Variants in MORF4L2 observed in about 807,000 individuals in gnomAD.
MORF4L2 encodes the protein mortality factor 4 like 2, also known as mortality factor 4-like protein 2.
A neutral mutation model predicts 12.0 loss-of-function variants in MORF4L2; 1 was observed. The ratio of observed to expected loss-of-function variants is 0.08; its 90% CI spans 0.03 to 0.40. The LOEUF is 0.40. Among genes scored for constraint, MORF4L2 ranks in the 10% least tolerant of loss-of-function variants. The probability of loss-of-function intolerance (pLI) is 0.98; values close to 1 mark genes in which losing one functional copy is unlikely to be tolerated. For synonymous variants in MORF4L2, 69 were observed against 81.6 expected, an observed-to-expected ratio of 0.85 and a Z score of 0.83; for missense variants, 123 against 214.0, an observed-to-expected ratio of 0.57 and a Z score of 2.65.
At chrX:103,687,425 CG>C, upstream of MORF4L2, 1 of 112,230 alleles carries the variant, frequency 8.9e-6, no homozygotes, top group Non-Finnish European at 1.9e-5. Context: ...GCTGTGTGAG[CG>C]GCCCTCGTGG....
At chrX:103,679,860 CAAAAAAAAAA>C (rs1157909391) in intron 2 of MORF4L2, among the ~76,000 whole-genome samples, 5 of 47,737 alleles carry the variant, frequency 1.0e-4, no homozygotes, top group African/African-American at 1.9e-4. Context: ...CACCTGTGGG[CAAAAAAAAAA>C]AAAAAAAAAA....
At chrX:103,684,563 T>C (rs2074056620) in intron 2 of MORF4L2, 1 of 112,196 alleles carries the variant, frequency 8.9e-6, no homozygotes, top group South Asian at 3.6e-4. Flanking sequence ...ATTTTTTTTT[T>C]ACACAATTCC....
At chrX:103,679,544 T>G in intron 2 of MORF4L2, among the ~76,000 whole-genome samples, 1 of 106,840 alleles carries the variant, frequency 9.4e-6, no homozygotes. Context: ...ATAGTACAGG[T>G]AGAGAAATAA....
intron 2 of MORF4L2, chrX:103,684,818 T>C (rs1473070567): frequency 3.6e-5 from 4 of 111,580 alleles, no homozygotes; most frequent in Non-Finnish European, 7.5e-5. Flanking sequence ...CAAGATCACA[T>C]AGTTAAGTGG....
Position 103,676,854 on chromosome X carries a change from T to C in MORF4L2, c.174A>G (p.Arg58=). The part of the protein sequence containing the change: ...QKNLEPALPG[R]WGGRSAENPP... ...GGTTCTCTGCAGAGCGACCACCCCA[T>C]CTTCCTGGGAGAGCTGGTTCAAGAT... Residue 58 remains arginine, a synonymous_variant, in exon 4 of 4, where the codon AGA becomes AGG. Coordinates refer to ENST00000441076, the MANE Select transcript of MORF4L2 (RefSeq NM_012286.3). 4 of 1,208,068 alleles carry C rather than the reference T, an allele frequency of 3.3e-6. No homozygotes were observed. The highest frequency in any genetic ancestry group is 4.5e-6 in the Non-Finnish European group (4 of 894,745).
At chrX:103,682,850 T>G (rs1317571995) in intron 2 of MORF4L2, among the ~76,000 whole-genome samples, 1 of 112,152 alleles carries the variant, frequency 8.9e-6, no homozygotes, top group Non-Finnish European at 1.9e-5. Flanking sequence ...GGCTTTTATG[T>G]CATGCTTAAG....
At chrX:103,682,231 TA>T (rs1324010524) in intron 2 of MORF4L2, among the ~76,000 whole-genome samples, 1 of 112,172 alleles carries the variant, frequency 8.9e-6, no homozygotes, top group Non-Finnish European at 1.9e-5. Context: ...ACACATTCTA[TA>T]ATGTTATGTA....
intron 1 of MORF4L2, among the ~76,000 whole-genome samples, chrX:103,686,245 CTTTAA>C (rs1210666830): frequency 3.6e-5 from 4 of 109,808 alleles, no homozygotes; most frequent in Admixed American, 9.8e-5. Context: ...TCTATTTTAT[CTTTAA>C]TTTATTCTAG....
Position 103,676,208 on chromosome X carries a change from T to C in MORF4L2, c.820A>G (p.Ser274Gly), listed in dbSNP as rs770208533. Residue 274 changes from serine to glycine, a missense_variant, in exon 4 of 4, where the codon AGT becomes GGT. By Grantham distance (56) the Ser-to-Gly change is moderately conservative. Coordinates refer to ENST00000441076, the MANE Select transcript of MORF4L2 (RefSeq NM_012286.3). Reference sequence around the variant, plus strand: ...TCAGCAGAAGCCACTTTGTAATCACTGGCAGTAAAGAGAGATGCAGAATTC... The same window carrying C: ...TCAGCAGAAGCCACTTTGTAATCACCGGCAGTAAAGAGAGATGCAGAATTC... ...AKNSASLFTA[S>G]DYKVASAEYH... 1.7e-6 allele frequency: 2 copies of C among 1,210,408 alleles called. No homozygotes were observed. Among genetic ancestry groups the C allele is most frequent in the South Asian group, 1.8e-5 (1 of 56,694 alleles).
upstream of MORF4L2, chrX:103,687,194 A>G (rs1412275361): frequency 2.8e-5 from 3 of 108,379 alleles, no homozygotes; most frequent in Admixed American, 2.9e-4. Context: ...GCCTGCGGAA[A>G]TAGGATAGGC....
chrX:103,685,930 CTG>C (rs2074092045), intron 1 of MORF4L2, among the ~76,000 whole-genome samples: 1 of 111,473 alleles, frequency 9.0e-6, no homozygotes, highest in South Asian at 3.7e-4. Flanking sequence ...CACAATACTA[CTG>C]TGACGCCTAA....
chrX:103,679,013 A>G (rs913463726), intron 2 of MORF4L2, among the ~76,000 whole-genome samples: 4 of 112,389 alleles, frequency 3.6e-5, no homozygotes, highest in African/African-American at 1.3e-4. Context: ...GGTGTTTGCA[A>G]TACTGAAGAA....
rs1311564165 is a variant in MORF4L2 at position 103,676,706 on chromosome X, T to C, written c.322A>G (p.Thr108Ala). 3 of 1,208,689 alleles carry C rather than the reference T, an allele frequency of 2.5e-6. No homozygotes were observed. The highest frequency in any genetic ancestry group is 2.2e-5 in the Admixed American group (1 of 45,511). The change falls in exon 4 of 4, where the codon ACT becomes GCT. Residue 108 changes from threonine to alanine, a missense_variant. By Grantham distance (58) the Thr-to-Ala change is moderately conservative. Transcript: ENST00000441076. Reference protein sequence around the residue: ...PRKKRARADPTVESEEAFKNR... With the variant: ...PRKKRARADPAVESEEAFKNR... ...TTAAACGCCTCCTCACTTTCAACAG[T>C]GGGGTCTGCCCGGGCCCTTTTCTTC...
At position 103,677,034 on chromosome X, in the gene MORF4L2, C is replaced by G; in HGVS notation, c.-7G>C. The G allele has an allele frequency of 5.1e-6, 6 of 1,170,126 alleles. No individual in the cohort carries two copies. The highest frequency in any genetic ancestry group is 6.8e-6 in the Non-Finnish European group (6 of 879,804). ...CCTGCTTTCTGGAACTCATTCAACC[C>G]TGTTTTTATTCCAACCACTGTAATA... On this transcript the variant is annotated 5_prime_UTR_variant, in exon 4 of 4. Coordinates refer to ENST00000441076, the MANE Select transcript of MORF4L2 (RefSeq NM_012286.3).
Position 103,684,751 on chromosome X carries a change from T to C in MORF4L2, c.-178+420A>G, listed in dbSNP as rs1305691226. 1.3e-4 allele frequency: 15 copies of C among 112,345 alleles called. No individual in the cohort carries two copies. In the Admixed American group the frequency reaches 1.4e-3, roughly 11 times the overall value. The allele number at this position is 112,345 out of a possible 1,213,427, so 9.3% of individuals were successfully genotyped here. A position where few individuals can be genotyped will look rare whatever the true frequency, so the allele number is the denominator to read the frequency against. On this transcript the variant is annotated intron_variant, in intron 2 of 3. Transcript: ENST00000441076. ...AATCCTATGAAGTAGGAACTATTAT[T>C]ATCACCTCTGTTTCATATACGAGGA...
At chrX:103,677,959 AATG>A (rs2073885270) in intron 3 of MORF4L2, among the ~76,000 whole-genome samples, 1 of 111,122 alleles carries the variant, frequency 9.0e-6, no homozygotes, top group Non-Finnish European at 1.9e-5. Flanking sequence ...ATTATCACCA[AATG>A]ATAATACTCC....
chrX:103,679,107 T>G (rs1203682566), intron 2 of MORF4L2, among the ~76,000 whole-genome samples: 6 of 111,560 alleles, frequency 5.4e-5, no homozygotes, highest in African/African-American at 2.0e-4. Flanking sequence ...TCAAATGAAT[T>G]AAGCAGAGAT....
In MORF4L2 at chrX:103,676,524, C is replaced by T. The variant is rs760365892; in HGVS notation, c.504G>A (p.Ser168=). The T allele has an allele frequency of 1.7e-5, 21 of 1,210,706 alleles. No homozygotes were observed. The East Asian group carries it at 2.7e-4, about 15-fold the overall frequency. Residue 168 remains serine (S), a synonymous_variant, in exon 4 of 4, where the codon TCG becomes TCA. Coordinates refer to ENST00000441076, the MANE Select transcript of MORF4L2 (RefSeq NM_012286.3). The stretch of plus-strand genomic sequence containing the variant: ...ATTCCTTATTATCAACATTTCCCTG[C>T]GATTTCTTGCAATTTGCATACTCCT... ...ILEEYANCKK[S]QGNVDNKEYA...
upstream of MORF4L2, chrX:103,687,154 C>G (rs2074132546): frequency 9.3e-6 from 1 of 107,503 alleles, no homozygotes; most frequent in South Asian, 4.1e-4. Flanking sequence ...GTTTTTTTCC[C>G]CCCCCACTGG....
Sources: allele counts gnomAD v4.1 joint callset (sites outside exome capture counted in the v4.1 genomes callset), GRCh38; gene constraint gnomAD v4.1.1; transcripts MANE v1.5; gene names NCBI Gene and HGNC (gene_info 2026-07-23, HGNC 2026-07-21).